The following SHANK2 variants were observed in gnomAD, a reference collection of about 807,000 sequenced individuals.
SHANK2 encodes the protein SH3 and multiple ankyrin repeat domains protein 2.
A neutral mutation model predicts 133.7 loss-of-function variants in SHANK2; 43 were observed. That is an observed-to-expected ratio of 0.32 (90% confidence interval 0.25 to 0.41). The LOEUF is 0.41. Ranked by LOEUF, SHANK2 falls within the 10% of genes least tolerant of loss-of-function variation. The pLI is 1.00. For synonymous variants in SHANK2, 1,017 were observed against 952.8 expected (o/e 1.07, Z -1.24); for missense variants, 1,994 against 2,235.8 (o/e 0.89, Z 2.18).
At chr11:70,771,395 G>C (rs1052648467) in intron 14 of SHANK2, among the ~76,000 whole-genome samples, 2 of 152,198 alleles carry the variant, frequency 1.3e-5, no homozygotes, top group Non-Finnish European at 2.9e-5. Flanking sequence ...GCCTGACCCA[G>C]GTGGGGCCCA....
chr11:70,513,403 AGCT>A (rs1484675881), intron 17 of SHANK2, among the ~76,000 whole-genome samples: 84 of 152,224 alleles, frequency 5.5e-4, no homozygotes, highest in Admixed American at 5.5e-3. Flanking sequence ...CTGAAATTTG[AGCT>A]GCTGCCACTG....
chr11:70,502,389 G>A lies in SHANK2; in HGVS notation c.2198-103C>T, dbSNP rs904122926. Reference sequence around the variant, plus strand: ...GTGGCTGGCAGGTGGGTCTCAGGCTGTTTGGCTGCGGTGGTCAGGGATTGT... The same window carrying A: ...GTGGCTGGCAGGTGGGTCTCAGGCTATTTGGCTGCGGTGGTCAGGGATTGT... On this transcript the variant is annotated intron_variant, in intron 18 of 25. Transcript: ENST00000601538. 2.4e-5 allele frequency: 26 copies of A among 1,076,626 alleles called. No individual in the cohort carries two copies. In the East Asian group the frequency reaches 6.5e-4, roughly 27 times the overall value. 66.7% of individuals were successfully genotyped at this position (1,076,626 alleles called of 1,614,324 possible). A position where few individuals can be genotyped will look rare whatever the true frequency, so the allele number is the denominator to read the frequency against.
At chr11:71,139,458 T>A (rs12294761) in intron 3 of SHANK2, among the ~76,000 whole-genome samples, 19,249 of 151,956 alleles carry the variant, frequency 0.13, 3,178 homozygotes, top group African/African-American at 0.39. Flanking sequence ...CATATGTAAC[T>A]AACCTGCACA....
intron 17 of SHANK2, among the ~76,000 whole-genome samples, chr11:70,632,571 G>A (rs1016866774): frequency 4.6e-5 from 7 of 151,980 alleles, no homozygotes; most frequent in African/African-American, 1.5e-4. Flanking sequence ...TTATAGAACC[G>A]CCTTTTACAA....
intron 11 of SHANK2, among the ~76,000 whole-genome samples, chr11:70,838,465 G>C (rs568235024): frequency 8.5e-5 from 13 of 152,280 alleles, no homozygotes; most frequent in African/African-American, 2.9e-4. Flanking sequence ...AGTTTTTCAA[G>C]TAGGTAGTAA....
intron 2 of SHANK2, among the ~76,000 whole-genome samples, chr11:71,150,764 C>T (rs1467233926): frequency 1.3e-5 from 2 of 151,966 alleles, no homozygotes; most frequent in African/African-American, 2.4e-5. Flanking sequence ...TGGGGACTCT[C>T]GGCTGCGTGG....
chr11:71,114,110 C>T (rs1400000864), intron 4 of SHANK2, among the ~76,000 whole-genome samples: 1 of 152,160 alleles, frequency 6.6e-6, no homozygotes, highest in Non-Finnish European at 1.5e-5. Flanking sequence ...CTGTTCCAAT[C>T]CCAGCCCTAA....
chr11:70,710,740 C>T (rs1199009047), intron 14 of SHANK2, among the ~76,000 whole-genome samples: 4 of 152,178 alleles, frequency 2.6e-5, no homozygotes, highest in African/African-American at 4.8e-5. Context: ...AGACTCCTCC[C>T]CGAGCCTGCA....
intron 6 of SHANK2, among the ~76,000 whole-genome samples, chr11:71,100,556 T>C (rs1951700997): frequency 6.6e-6 from 1 of 152,170 alleles, no homozygotes; most frequent in African/African-American, 2.4e-5. Flanking sequence ...GATGACATTC[T>C]AGAAAAGGCA....
intron 10 of SHANK2, among the ~76,000 whole-genome samples, chr11:70,944,157 C>T (rs781828798): frequency 4.4e-4 from 67 of 152,250 alleles, no homozygotes; most frequent in African/African-American, 5.8e-4. Context: ...TTACATGTAA[C>T]GAATTTATCA....
intron 10 of SHANK2, among the ~76,000 whole-genome samples, chr11:70,909,117 T>A (rs2135716423): frequency 6.6e-6 from 1 of 152,342 alleles, no homozygotes; most frequent in East Asian, 1.9e-4. Context: ...CCAGAAGGAT[T>A]TGCCAATAAA....
chr11:70,617,157 G>A (rs1433720373), intron 17 of SHANK2, among the ~76,000 whole-genome samples: 2 of 151,796 alleles, frequency 1.3e-5, no homozygotes, highest in East Asian at 1.9e-4. Flanking sequence ...CTGAAAGGGT[G>A]TGTGAGCTGT....
At chr11:71,061,433 G>A (rs1950984793) in intron 9 of SHANK2, among the ~76,000 whole-genome samples, 1 of 152,236 alleles carries the variant, frequency 6.6e-6, no homozygotes, top group Admixed American at 6.5e-5. Context: ...CACTTAGGCT[G>A]ATGACAGGGA....
chr11:71,173,643 C>A (rs57007124), intron 2 of SHANK2, among the ~76,000 whole-genome samples: 6,443 of 152,296 alleles, frequency 0.042, 243 homozygotes, highest in African/African-American at 0.11. Flanking sequence ...AGTGCACTGG[C>A]GTGAAGAGTG....
At chr11:70,523,307 A>G (rs1207013745) in intron 17 of SHANK2, among the ~76,000 whole-genome samples, 1 of 152,132 alleles carries the variant, frequency 6.6e-6, no homozygotes, top group Non-Finnish European at 1.5e-5. Flanking sequence ...TATAAATACT[A>G]TTGAGCAGTT....
intron 17 of SHANK2, among the ~76,000 whole-genome samples, chr11:70,605,877 G>GC (rs537949644): frequency 1.8e-3 from 269 of 152,266 alleles, no homozygotes; most frequent in African/African-American, 6.1e-3. Context: ...GGATTTAGGG[G>GC]CCTGAAGCCA....
chr11:70,567,583 C>T (rs1266095198), intron 17 of SHANK2, among the ~76,000 whole-genome samples: 3 of 151,372 alleles, frequency 2.0e-5, no homozygotes, highest in Non-Finnish European at 2.9e-5. Flanking sequence ...GCCAAGGTCG[C>T]ACTACTGCAC....
intron 17 of SHANK2, among the ~76,000 whole-genome samples, chr11:70,621,132 G>A (rs902788193): frequency 2.6e-5 from 4 of 152,156 alleles, no homozygotes; most frequent in Non-Finnish European, 4.4e-5. Flanking sequence ...GTGTGATCCC[G>A]ACTTCACCTC....
rs183276263 is a variant in SHANK2, at chr11:71,131,661, G to C, written c.208-12629C>G. 5.0e-3 allele frequency among the ~76,000 whole-genome samples: 759 copies of C among 152,274 alleles called. 4 individuals carry two copies. Among genetic ancestry groups the C allele is most frequent in the African/African-American group, 0.018 (738 of 41,556 alleles). The stretch of plus-strand genomic sequence containing the variant: ...TTAATCTTCCTCTTTTCATAGCCAT[G>C]ATTTCAGGCAGAGCCATTGTAAAGC... On this transcript the variant is annotated intron_variant, in intron 3 of 25. Coordinates refer to ENST00000601538, the MANE Select transcript of SHANK2 (RefSeq NM_012309.5).
Sources: allele counts gnomAD v4.1 joint callset (sites outside exome capture counted in the v4.1 genomes callset), GRCh38; gene constraint gnomAD v4.1.1; transcripts MANE v1.5; gene names NCBI Gene and HGNC (gene_info 2026-07-23, HGNC 2026-07-21).